The following NALCN variants were observed in gnomAD, a reference collection of about 807,000 sequenced individuals.
The protein encoded by NALCN is sodium leak channel, non-selective.
NALCN carries 111 observed loss-of-function variants against 225.3 expected under a neutral mutation model. The observed-to-expected ratio is 0.49, with a 90% CI of 0.42 to 0.58. NALCN has a LOEUF of 0.58. NALCN is among the 20% of genes least tolerant of loss of function. The pLI is 0.00. For synonymous variants in NALCN, 764 were observed against 769.0 expected, an observed-to-expected ratio of 0.99 and a Z score of 0.11; for missense variants, 1,378 against 2,202.4, an observed-to-expected ratio of 0.63 and a Z score of 7.49.
At chr13:101,346,114 ATGT>A (rs1169951539) in intron 6 of NALCN, among the ~76,000 whole-genome samples, 3 of 66,800 alleles carry the variant, frequency 4.5e-5, no homozygotes, top group African/African-American at 1.1e-4. Context: ...TATATATATG[ATGT>A]TATTTGCAAA....
At chr13:101,372,184 G>T (rs570160667) in intron 6 of NALCN, among the ~76,000 whole-genome samples, 1 of 152,214 alleles carries the variant, frequency 6.6e-6, no homozygotes, top group Non-Finnish European at 1.5e-5. Flanking sequence ...CCTAATTAAA[G>T]TTGAAAATTA....
intron 26 of NALCN, among the ~76,000 whole-genome samples, chr13:101,101,281 C>CTTTTTTTTTTTTTTTTTTTTT (rs60948311): frequency 8.9e-6 from 1 of 112,370 alleles, no homozygotes; most frequent in Non-Finnish European, 1.7e-5. Context: ...ATTTTTTTTT[C>CTTTTTTTTTTTTTTTTTTTTT]TTTTTTTTTT....
At chr13:101,365,137 C>T (rs889700278) in intron 6 of NALCN, among the ~76,000 whole-genome samples, 1 of 152,032 alleles carries the variant, frequency 6.6e-6, no homozygotes, top group South Asian at 2.1e-4. Flanking sequence ...CAGATTGTTT[C>T]GCCACTCAGC....
chr13:101,311,176 T>C (rs1201775606), intron 7 of NALCN, among the ~76,000 whole-genome samples: 1 of 151,114 alleles, frequency 6.6e-6, no homozygotes, highest in African/African-American at 2.4e-5. Context: ...GTTATTGGTG[T>C]ATAAGAATGC....
intron 35 of NALCN, 152 bp downstream of exon 35, chr13:101,075,721 A>G: frequency 2.1e-6 from 1 of 483,974 alleles, no homozygotes; most frequent in Non-Finnish European, 3.5e-6. Flanking sequence ...TTCATTTAAC[A>G]ATGTTTAATA....
At chr13:101,298,404 C>G (rs1051931032) in intron 7 of NALCN, among the ~76,000 whole-genome samples, 1 of 151,942 alleles carries the variant, frequency 6.6e-6, no homozygotes, top group African/African-American at 2.4e-5. Context: ...GCACTGCAAC[C>G]TCTGCCTCCA....
At chr13:101,250,175 A>G (rs1057166581) in intron 11 of NALCN, among the ~76,000 whole-genome samples, 1 of 152,118 alleles carries the variant, frequency 6.6e-6, no homozygotes, top group Non-Finnish European at 1.5e-5. Context: ...CCTTTGGAGA[A>G]AATTATAAAG....
At chr13:101,399,446 G>A (rs1325654130) in intron 1 of NALCN, among the ~76,000 whole-genome samples, 4 of 152,060 alleles carry the variant, frequency 2.6e-5, no homozygotes, top group Non-Finnish European at 5.9e-5. Flanking sequence ...TGCTTCTTAG[G>A]GCAGACATAT....
At chr13:101,230,970 C>A (rs1250526433) in intron 12 of NALCN, among the ~76,000 whole-genome samples, 1 of 152,074 alleles carries the variant, frequency 6.6e-6, no homozygotes, top group Non-Finnish European at 1.5e-5. Flanking sequence ...TTTAGATATA[C>A]AAATACTTAC....
chr13:101,270,729 T>C (rs1256290780), intron 10 of NALCN, among the ~76,000 whole-genome samples: 1 of 152,214 alleles, frequency 6.6e-6, no homozygotes, highest in Non-Finnish European at 1.5e-5. Context: ...GCATAAGGCA[T>C]CATATTGCTG....
chr13:101,287,937 C>G (rs2043400737), intron 9 of NALCN, among the ~76,000 whole-genome samples: 1 of 152,076 alleles, frequency 6.6e-6, no homozygotes, highest in South Asian at 2.1e-4. Context: ...ATTAGAATTC[C>G]AAACTCAAGA....
intron 6 of NALCN, among the ~76,000 whole-genome samples, chr13:101,350,803 T>A (rs2045886471): frequency 6.6e-6 from 1 of 152,200 alleles, no homozygotes. Flanking sequence ...AGGAAAGATT[T>A]TGACTTCTCT....
intron 10 of NALCN, among the ~76,000 whole-genome samples, chr13:101,278,590 T>C (rs1208533281): frequency 6.7e-6 from 1 of 149,828 alleles, no homozygotes; most frequent in Non-Finnish European, 1.5e-5. Context: ...CCTAACACTA[T>C]ATTTCTAAAC....
intron 6 of NALCN, among the ~76,000 whole-genome samples, chr13:101,348,386 A>G (rs1455971810): frequency 6.6e-6 from 1 of 152,206 alleles, no homozygotes; most frequent in Non-Finnish European, 1.5e-5. Context: ...TAGACAATCA[A>G]TGCTAGATGT....
intron 10 of NALCN, among the ~76,000 whole-genome samples, chr13:101,275,426 T>G (rs2042938129): frequency 6.6e-6 from 1 of 152,150 alleles, no homozygotes; most frequent in African/African-American, 2.4e-5. Flanking sequence ...GTCTGTTCCT[T>G]CCAAATAATT....
At chr13:101,194,650 C>T (rs1020654674) in intron 13 of NALCN, among the ~76,000 whole-genome samples, 7 of 152,116 alleles carry the variant, frequency 4.6e-5, no homozygotes, top group African/African-American at 1.7e-4. Flanking sequence ...ATAGTTTCTT[C>T]CCTTAAGAAT....
At chr13:101,286,864 TACACAC>T (rs71121180) in intron 9 of NALCN, among the ~76,000 whole-genome samples, 35,577 of 146,888 alleles carry the variant, frequency 0.24, 4,787 homozygotes, top group Non-Finnish European at 0.31. Flanking sequence ...CCAGGTATTA[TACACAC>T]ACACACACAC....
chr13:101,135,882 A>AG (rs2036761260), intron 17 of NALCN, among the ~76,000 whole-genome samples: 1 of 152,140 alleles, frequency 6.6e-6, no homozygotes, highest in Non-Finnish European at 1.5e-5. Context: ...AGCGGCCTTA[A>AG]CTCCTTGATA....
In NALCN at chr13:101,345,436, G is replaced by A. The variant is rs1358130322; in HGVS notation, c.645-16C>T. The A allele has an allele frequency of 6.2e-7, 1 of 1,608,388 alleles. No homozygotes were observed. Among genetic ancestry groups the A allele is most frequent in the Non-Finnish European group, 8.5e-7 (1 of 1,177,270 alleles). ...GGTTACATTCCTGTGAACAACACAT[G>A]AAAGTGTTAGACAATTTCAACAATC... On this transcript the variant is annotated splice_polypyrimidine_tract_variant and intron_variant, in intron 6 of 43. Coordinates refer to ENST00000251127, the MANE Select transcript of NALCN (RefSeq NM_052867.4).
Sources: gnomAD v4.1 joint callset for allele counts (sites outside exome capture counted in the v4.1 genomes callset) on GRCh38, gnomAD v4.1.1 for gene constraint, MANE v1.5 for transcripts, NCBI Gene and HGNC (gene_info 2026-07-23, HGNC 2026-07-21) for gene names.